The following PLEKHM3 variants were observed in gnomAD, a reference collection of about 807,000 sequenced individuals.
PLEKHM3 encodes the protein pleckstrin homology domain-containing family M member 3.
In PLEKHM3, 45 loss-of-function variants were observed where a neutral mutation model predicts 81.8. The ratio of observed to expected loss-of-function variants is 0.55; its 90% CI spans 0.43 to 0.71. PLEKHM3 has a LOEUF of 0.71. PLEKHM3 is among the 30% of genes least tolerant of loss of function. PLEKHM3 has a pLI of 0.00. For missense variants in PLEKHM3, 788 were observed against 924.3 expected, an observed-to-expected ratio of 0.85 and a Z score of 1.91; for synonymous variants, 352 against 356.4, an observed-to-expected ratio of 0.99 and a Z score of 0.14.
intron 1 of PLEKHM3, among the ~76,000 whole-genome samples, chr2:208,016,327 G>C (rs1692913156): frequency 6.6e-6 from 1 of 152,058 alleles, no homozygotes; most frequent in Non-Finnish European, 1.5e-5. Flanking sequence ...ACAACCTTCA[G>C]TCTTGTTTCT....
At chr2:207,835,260 C>T (rs990247072) in intron 7 of PLEKHM3, among the ~76,000 whole-genome samples, 4 of 152,072 alleles carry the variant, frequency 2.6e-5, no homozygotes, top group Non-Finnish European at 5.9e-5. Context: ...ACAACTTCTG[C>T]AATAAAAAGG....
chr2:208,022,238 A>C (rs1231722551), intron 1 of PLEKHM3, among the ~76,000 whole-genome samples: 1 of 152,218 alleles, frequency 6.6e-6, no homozygotes, highest in African/African-American at 2.4e-5. Flanking sequence ...ATTTGGAAAA[A>C]ATGATACTTT....
At chr2:207,886,711 A>G (rs1418661594) in intron 6 of PLEKHM3, among the ~76,000 whole-genome samples, 1 of 152,230 alleles carries the variant, frequency 6.6e-6, no homozygotes, top group African/African-American at 2.4e-5. Context: ...CCTGAAGGAC[A>G]GAAAGAGAAT....
chr2:207,865,801 A>AAAAAAAAAAAATATAT lies in PLEKHM3; in HGVS notation c.1951-4540_1951-4539insATATATTTTTTTTTTT. Among the ~76,000 whole-genome samples, 9 of 25,290 alleles carry AAAAAAAAAAAATATAT rather than the reference A, an allele frequency of 3.6e-4. 4 individuals are homozygous for AAAAAAAAAAAATATAT. Among genetic ancestry groups the AAAAAAAAAAAATATAT allele is most frequent in the Non-Finnish European group, 5.3e-4 (7 of 13,198 alleles). The allele number at this position is 25,290 out of a possible 152,430, so 16.6% of individuals were successfully genotyped here. A position where few individuals can be genotyped will look rare whatever the true frequency, so the allele number is the denominator to read the frequency against. ...CGACTCAAAAAAAAAAAAAAAAAAAAAGATATATATATATATATATATATA... is the reference window on the plus strand; with the variant it reads ...CGACTCAAAAAAAAAAAAAAAAAAAAAAAAAAAAAAATATATAGATATATATATATATATATATATA... On this transcript the variant is annotated intron_variant, in intron 6 of 7. Transcript: ENST00000427836.
At chr2:207,867,654 A>G (rs2092508588) in intron 6 of PLEKHM3, among the ~76,000 whole-genome samples, 1 of 152,162 alleles carries the variant, frequency 6.6e-6, no homozygotes. Context: ...ACAAAATTAT[A>G]TAAATCATTT....
At chr2:207,968,671 A>G (rs1162874717) in intron 3 of PLEKHM3, among the ~76,000 whole-genome samples, 1 of 152,202 alleles carries the variant, frequency 6.6e-6, no homozygotes, top group Non-Finnish European at 1.5e-5. Flanking sequence ...GGGGTTTGAA[A>G]ACTCCCAACT....
chr2:207,865,801 A>AAAATATATAT, intron 6 of PLEKHM3, among the ~76,000 whole-genome samples: 4 of 25,288 alleles, frequency 1.6e-4, no homozygotes, highest in East Asian at 1.1e-3. Context: ...AAAAAAAAAA[A>AAAATATATAT]AGATATATAT....
chr2:207,828,107 G>A lies in PLEKHM3; in HGVS notation c.*212C>T, dbSNP rs2092262208. The A allele has an allele frequency of 3.0e-6, 1 of 329,296 alleles. No individual in the cohort carries two copies. The allele number at this position is 329,296 out of a possible 1,614,324, so 20.4% of individuals were successfully genotyped here. A position where few individuals can be genotyped will look rare whatever the true frequency, so the allele number is the denominator to read the frequency against. On this transcript the variant is annotated 3_prime_UTR_variant, in exon 8 of 8. Transcript: ENST00000427836. ...TATTGGTAGTTTCTCGAGCCACAGA[G>A]GTTCTGTGGATCGTCTGGACAATGA...
intron 2 of PLEKHM3, among the ~76,000 whole-genome samples, chr2:207,979,465 C>T (rs920026868): frequency 1.1e-4 from 16 of 150,180 alleles, no homozygotes; most frequent in South Asian, 6.3e-4. Context: ...ACCCAGGAGG[C>T]GGAAGTTGCA....
At chr2:207,865,007 C>T (rs1416413215) in intron 6 of PLEKHM3, among the ~76,000 whole-genome samples, 1 of 152,122 alleles carries the variant, frequency 6.6e-6, no homozygotes, top group Non-Finnish European at 1.5e-5. Flanking sequence ...TACTATATGA[C>T]AATAATTACT....
chr2:207,976,659 T>C lies in PLEKHM3; in HGVS notation c.1538A>G (p.Lys513Arg), dbSNP rs746787843. ...GAAAATCTGCTTCATACCTGCACAT[T>C]TGAAACTCTGAGCAGTGAGTCCTCG... ...LERGLTAQSF[K>R]CAGCQRSIGL... is the part of the protein sequence containing the mutation. The change falls in exon 3 of 8, where the codon AAA becomes AGA. Residue 513 changes from lysine to arginine, a missense_variant. Lys to Arg is a conservative substitution (Grantham distance 26). Transcript: ENST00000427836. The surrounding 1 kb of genome is among the most constrained non-coding windows in gnomAD (Gnocchi z 4.1). 5 of 1,613,098 alleles carry C rather than the reference T, an allele frequency of 3.1e-6. No homozygotes were observed. The Middle Eastern group carries it at 5.0e-4, about 160-fold the overall frequency.
intron 2 of PLEKHM3, among the ~76,000 whole-genome samples, chr2:207,996,410 GTTAATATCT>G (rs1004107633): frequency 2.6e-5 from 4 of 152,100 alleles, no homozygotes; most frequent in African/African-American, 4.8e-5. Flanking sequence ...AGCTAAAGAA[GTTAATATCT>G]TTAATTTATC....
At chr2:207,863,361 G>C (rs537955106) in intron 6 of PLEKHM3, among the ~76,000 whole-genome samples, 36 of 152,280 alleles carry the variant, frequency 2.4e-4, no homozygotes, top group African/African-American at 7.9e-4. Context: ...GGCCCTTCTG[G>C]GGGTTTCCAT....
At chr2:207,831,362 C>T (rs1034797892) in intron 7 of PLEKHM3, among the ~76,000 whole-genome samples, 2 of 152,332 alleles carry the variant, frequency 1.3e-5, no homozygotes, top group South Asian at 2.1e-4. Flanking sequence ...AGGCTCTTAC[C>T]GAGCACCACG....
chr2:207,952,838 T>G (rs1690372072), intron 3 of PLEKHM3, among the ~76,000 whole-genome samples: 1 of 152,170 alleles, frequency 6.6e-6, no homozygotes, highest in African/African-American at 2.4e-5. Context: ...TCTACATAAC[T>G]GTAAAGTAGA....
chr2:207,912,928 G>C (rs1688854696), intron 5 of PLEKHM3, among the ~76,000 whole-genome samples: 2 of 152,170 alleles, frequency 1.3e-5, no homozygotes, highest in South Asian at 2.1e-4. Flanking sequence ...GGGTAAATAT[G>C]GACCTAAAAG....
intron 1 of PLEKHM3, among the ~76,000 whole-genome samples, chr2:208,007,342 A>G (rs1441055893): frequency 6.6e-6 from 1 of 152,212 alleles, no homozygotes; most frequent in Non-Finnish European, 1.5e-5. Flanking sequence ...ACACCACAAG[A>G]GGATCTGCCC....
intron 1 of PLEKHM3, among the ~76,000 whole-genome samples, chr2:208,018,345 C>A (rs1335018262): frequency 7.0e-6 from 1 of 142,444 alleles, no homozygotes; most frequent in Non-Finnish European, 1.5e-5. Flanking sequence ...TGAACTCTGA[C>A]CTGGCAACAG....
chr2:207,878,999 T>C (rs903597439), intron 6 of PLEKHM3, among the ~76,000 whole-genome samples: 6 of 152,178 alleles, frequency 3.9e-5, no homozygotes, highest in Non-Finnish European at 8.8e-5. Flanking sequence ...GTACTCATAT[T>C]CTGCTCTTGT....
Sources: allele counts gnomAD v4.1 joint callset (sites outside exome capture counted in the v4.1 genomes callset), GRCh38; gene constraint gnomAD v4.1.1; non-coding constraint Gnocchi (gnomAD v3.1); transcripts MANE v1.5; gene names NCBI Gene and HGNC (gene_info 2026-07-23, HGNC 2026-07-21).